The following KLHL13 variants were observed in gnomAD, a reference collection of about 807,000 sequenced individuals.
KLHL13 encodes kelch like family member 13.
A neutral mutation model predicts 37.1 loss-of-function variants in KLHL13; 10 were observed. That is an observed-to-expected ratio of 0.27 (90% CI 0.17 to 0.46). The LOEUF (loss-of-function observed/expected upper bound fraction) is 0.46. Ranked by LOEUF, KLHL13 falls within the 20% of genes least tolerant of loss-of-function variation. The pLI, the probability that KLHL13 is intolerant of heterozygous loss-of-function variation, is 1.00. For synonymous variants in KLHL13, 163 were observed against 181.2 expected, an observed-to-expected ratio of 0.90 and a Z score of 0.81; for missense variants, 360 against 509.3, an observed-to-expected ratio of 0.71 and a Z score of 2.82.
intron 2 of KLHL13, among the ~76,000 whole-genome samples, chrX:117,944,917 G>A (rs1298558056): frequency 2.7e-5 from 3 of 111,621 alleles, no homozygotes; most frequent in Admixed American, 1.9e-4. Flanking sequence ...GCATCCAGCA[G>A]TCCTAACCTC....
chrX:117,959,608 C>T (rs2053258262), intron 1 of KLHL13, among the ~76,000 whole-genome samples: 1 of 111,716 alleles, frequency 9.0e-6, no homozygotes, highest in Non-Finnish European at 1.9e-5. Context: ...CAAATGTACA[C>T]AGATGGAGGA....
intron 4 of KLHL13, among the ~76,000 whole-genome samples, chrX:117,912,502 G>A (rs974118379): frequency 9.0e-6 from 1 of 111,674 alleles, no homozygotes; most frequent in African/African-American, 3.3e-5. Flanking sequence ...GTGAGAAAAC[G>A]ATTGCTAGAA....
At chrX:117,965,856 C>T (rs758655926) in intron 1 of KLHL13, among the ~76,000 whole-genome samples, 131 of 111,466 alleles carry the variant, frequency 1.2e-3, no homozygotes, top group African/African-American at 3.7e-3. Flanking sequence ...ATTCAACAAC[C>T]CTTCATGCTA....
intron 1 of KLHL13, among the ~76,000 whole-genome samples, chrX:118,106,911 C>A (rs954421798): frequency 1.8e-5 from 2 of 111,761 alleles, no homozygotes; most frequent in African/African-American, 6.5e-5. Flanking sequence ...TTACAGTAAC[C>A]ATGATAAAAA....
chrX:118,053,590 T>G (rs2054641486), intron 1 of KLHL13, among the ~76,000 whole-genome samples: 1 of 109,855 alleles, frequency 9.1e-6, no homozygotes, highest in Admixed American at 9.7e-5. Context: ...TGCATACATA[T>G]GTAATAAACC....
chrX:117,945,714 C>T (rs953612503), intron 1 of KLHL13, 139 bp from the exon 3 acceptor site: 9 of 448,861 alleles, frequency 2.0e-5, no homozygotes, highest in South Asian at 1.5e-4. Context: ...CTATATTATA[C>T]GCTTGTACCA....
intron 5 of KLHL13, among the ~76,000 whole-genome samples, chrX:117,907,482 T>C: frequency 8.9e-6 from 1 of 112,050 alleles, no homozygotes; most frequent in Non-Finnish European, 1.9e-5. Context: ...TGACCTGTTA[T>C]TTGTGAAGAA....
At chrX:117,940,141 G>C (rs934291152) in intron 2 of KLHL13, among the ~76,000 whole-genome samples, 30 of 111,925 alleles carry the variant, frequency 2.7e-4, no homozygotes, top group Non-Finnish European at 4.7e-4. Context: ...AAGGGGTCCA[G>C]TTTCAGTTTT....
At chrX:117,964,597 C>T (rs1569427764) in intron 1 of KLHL13, among the ~76,000 whole-genome samples, 1 of 111,054 alleles carries the variant, frequency 9.0e-6, no homozygotes, top group African/African-American at 3.3e-5. Context: ...TGAGCACTTT[C>T]TTTTTTTTAT....
At chrX:117,991,832 T>C (rs1024146460) in intron 1 of KLHL13, among the ~76,000 whole-genome samples, 3 of 99,565 alleles carry the variant, frequency 3.0e-5, no homozygotes, top group Admixed American at 1.1e-4. Flanking sequence ...CAAAATATCT[T>C]CTCCTACAGT....
intron 1 of KLHL13, among the ~76,000 whole-genome samples, chrX:118,052,829 G>GA (rs1207269107): frequency 0.063 from 5,663 of 89,581 alleles, 395 homozygotes; most frequent in African/African-American, 0.2. Flanking sequence ...GCCATCTCAA[G>GA]AAAAAAAAAA....
chrX:117,913,251 G>A (rs1412940944), intron 4 of KLHL13, among the ~76,000 whole-genome samples: 7 of 111,266 alleles, frequency 6.3e-5, no homozygotes, highest in African/African-American at 2.0e-4. Context: ...ATTAAGCCTA[G>A]ACAGTATTTT....
At chrX:118,075,045 A>G (rs771872892) in intron 1 of KLHL13, among the ~76,000 whole-genome samples, 1 of 112,065 alleles carries the variant, frequency 8.9e-6, no homozygotes, top group East Asian at 2.8e-4. Context: ...CCCAAGTTCA[A>G]TACACTACAG....
At chrX:118,032,308 A>G (rs1310571218) in intron 1 of KLHL13, among the ~76,000 whole-genome samples, 5 of 112,215 alleles carry the variant, frequency 4.5e-5, no homozygotes, top group Non-Finnish European at 9.4e-5. Flanking sequence ...AAACAAAAAG[A>G]CAGCAGTAAC....
chrX:118,030,311 T>C (rs1034974534), intron 1 of KLHL13, among the ~76,000 whole-genome samples: 1 of 112,106 alleles, frequency 8.9e-6, no homozygotes, highest in Admixed American at 9.5e-5. Context: ...CTAAAACATG[T>C]TAAAGTGATG....
intron 1 of KLHL13, among the ~76,000 whole-genome samples, chrX:118,092,911 G>A (rs1268772736): frequency 8.9e-6 from 1 of 111,874 alleles, no homozygotes; most frequent in East Asian, 2.8e-4. Flanking sequence ...ATGTGAATCT[G>A]TAATTATTTC....
chrX:117,989,533 G>C (rs981559853), intron 1 of KLHL13, among the ~76,000 whole-genome samples: 8 of 109,508 alleles, frequency 7.3e-5, no homozygotes, highest in African/African-American at 2.6e-4. Flanking sequence ...GTAAGGAATA[G>C]TTAATGGAAG....
upstream of KLHL13, among the ~76,000 whole-genome samples, chrX:117,975,664 TA>T (rs768440915): frequency 5.3e-5 from 6 of 112,219 alleles, no homozygotes; most frequent in Admixed American, 1.9e-4. Flanking sequence ...GTGCTGGGAT[TA>T]AAGGCGTGAG....
chrX:118,093,453 G>T (rs1020958397), intron 1 of KLHL13, among the ~76,000 whole-genome samples: 1 of 111,559 alleles, frequency 9.0e-6, no homozygotes, highest in East Asian at 2.8e-4. Context: ...CAGATTTTAG[G>T]TCAGGTTTAG....
Sources: gnomAD v4.1 joint callset for allele counts (sites outside exome capture counted in the v4.1 genomes callset) on GRCh38, gnomAD v4.1.1 for gene constraint, MANE v1.5 for transcripts, NCBI Gene and HGNC (gene_info 2026-07-23, HGNC 2026-07-21) for gene names.